The following FCHO2 variants were observed in gnomAD, a reference collection of about 807,000 sequenced individuals.
FCHO2 encodes the protein F-BAR domain only protein 2.
Under a neutral mutation model 114.1 loss-of-function variants are expected in FCHO2, and 43 were observed. That is an observed-to-expected ratio of 0.38 (90% CI 0.30 to 0.49). The LOEUF (loss-of-function observed/expected upper bound fraction) is 0.49. Ranked by LOEUF, FCHO2 falls within the 20% of genes least tolerant of loss-of-function variation. The pLI is 0.97. For missense variants in FCHO2, 807 were observed against 950.4 expected (o/e 0.85, Z 1.98); for synonymous variants, 293 against 315.2 (o/e 0.93, Z 0.75).
intron 20 of FCHO2, among the ~76,000 whole-genome samples, chr5:73,076,846 C>T (rs1392896519): frequency 6.6e-6 from 1 of 152,030 alleles, no homozygotes; most frequent in Non-Finnish European, 1.5e-5. Context: ...GATAGGATTA[C>T]CAAAGGGGTC....
intron 8 of FCHO2, among the ~76,000 whole-genome samples, chr5:73,026,337 G>T (rs1445356174): frequency 1.3e-5 from 2 of 152,028 alleles, no homozygotes; most frequent in African/African-American, 4.8e-5. Flanking sequence ...GGGTGTGGTG[G>T]TGGGCGCCTG....
At chr5:72,981,233 G>T (rs1753192715) in intron 2 of FCHO2, among the ~76,000 whole-genome samples, 1 of 152,216 alleles carries the variant, frequency 6.6e-6, no homozygotes, top group African/African-American at 2.4e-5. Context: ...GAAATTCTGG[G>T]TTGAAAAGTC....
In FCHO2 at chr5:72,959,183, A is replaced by G. The variant is rs114525969; in HGVS notation, c.33+3054A>G. On this transcript the variant is annotated intron_variant, in intron 1 of 25. Coordinates refer to ENST00000430046, the MANE Select transcript of FCHO2 (RefSeq NM_138782.3). ...AGTGAGCTAGGAAGGTCTAGGAATT[A>G]ACTAAATAATTAACTTCCGAGAATT... 1.9e-3 allele frequency among the ~76,000 whole-genome samples: 282 copies of G among 152,340 alleles called. 3 individuals are homozygous for G. The highest frequency in any genetic ancestry group is 6.4e-3 in the African/African-American group (265 of 41,564).
intron 6 of FCHO2, among the ~76,000 whole-genome samples, chr5:73,014,437 C>T (rs1053357940): frequency 5.3e-5 from 8 of 151,476 alleles, no homozygotes; most frequent in African/African-American, 1.5e-4. Context: ...TACAGGCACG[C>T]GCCACCACGC....
chr5:73,013,264 T>G (rs2112733684), intron 6 of FCHO2, among the ~76,000 whole-genome samples: 1 of 152,258 alleles, frequency 6.6e-6, no homozygotes, highest in Middle Eastern at 3.4e-3. Flanking sequence ...ATTCTGGATT[T>G]TTTTTTTTTT....
At chr5:73,060,265 AT>A (rs1365057265) in intron 17 of FCHO2, among the ~76,000 whole-genome samples, 3 of 152,090 alleles carry the variant, frequency 2.0e-5, no homozygotes, top group Non-Finnish European at 4.4e-5. Flanking sequence ...TTCAGTATGC[AT>A]TTTTAAATCT....
In FCHO2 at chr5:73,058,049, T is replaced by TA. The variant is rs1206483677; in HGVS notation, c.1254-383dup. On this transcript the variant is annotated intron_variant, in intron 16 of 25. Transcript: ENST00000430046. ...TTTTACGGACGGGGTCTTGCTCTGT[T>TA]ACCCAGGCTGGAGTACAGTGGTGCA... is the stretch of plus-strand genomic sequence containing the variant. Among the ~76,000 whole-genome samples, 11 of 152,200 alleles carry TA rather than the reference T, an allele frequency of 7.2e-5. No individual in the cohort carries two copies. The South Asian group carries it at 1.0e-3, about 14-fold the overall frequency.
At position 73,081,855 on chromosome 5, in the gene FCHO2, G is replaced by T. The variant is rs1362149368; in HGVS notation, c.2053G>T (p.Asp685Tyr). Residue 685 changes from aspartate (D) to tyrosine (Y), a missense_variant, in exon 23 of 26, where the codon GAT becomes TAT. Transcript: ENST00000430046. Reference protein sequence around the residue: ...TYWKCSASTTDLRVDYKYNPE... With the variant: ...TYWKCSASTTYLRVDYKYNPE... The stretch of plus-strand genomic sequence containing the variant: ...CTGGAAATGTAGTGCTAGCACCACA[G>T]ATCTTAGAGTGGATTATAAATACAA... 1.9e-6 allele frequency: 3 copies of T among 1,612,278 alleles called. No homozygotes were observed. In the East Asian group the frequency reaches 6.7e-5, roughly 36 times the overall value.
intron 24 of FCHO2, among the ~76,000 whole-genome samples, chr5:73,086,156 A>G (rs527526363): frequency 6.6e-6 from 1 of 152,232 alleles, no homozygotes; most frequent in African/African-American, 2.4e-5. Context: ...TCTGTAAAAT[A>G]GAAATCTGTT....
intron 7 of FCHO2, among the ~76,000 whole-genome samples, chr5:73,016,003 TTTC>T (rs1755288401): frequency 6.6e-6 from 1 of 152,202 alleles, no homozygotes; most frequent in African/African-American, 2.4e-5. Flanking sequence ...CTTTTGAATA[TTTC>T]TTTTTTCAAG....
intron 2 of FCHO2, among the ~76,000 whole-genome samples, chr5:72,981,848 A>G (rs1029723034): frequency 6.6e-6 from 1 of 152,200 alleles, no homozygotes; most frequent in Non-Finnish European, 1.5e-5. Context: ...CAATTCGTCT[A>G]ACCTTTTTTC....
intron 1 of FCHO2, among the ~76,000 whole-genome samples, chr5:72,967,083 C>T (rs772820605): frequency 2.0e-5 from 3 of 152,108 alleles, no homozygotes; most frequent in African/African-American, 4.8e-5. Context: ...GCCAGGAGTT[C>T]GAGACCTGCC....
At chr5:73,003,284 G>T (rs1335117266) in intron 5 of FCHO2, among the ~76,000 whole-genome samples, 1 of 151,986 alleles carries the variant, frequency 6.6e-6, no homozygotes, top group Non-Finnish European at 1.5e-5. Flanking sequence ...AAGAGCTGGG[G>T]TTACAGGCAT....
At chr5:73,055,999 C>G in intron 15 of FCHO2, 66 bp from the exon 16 acceptor site, 1 of 1,130,456 alleles carries the variant, frequency 8.8e-7, no homozygotes, top group Non-Finnish European at 1.3e-6. Flanking sequence ...TATAGAGTTT[C>G]TGTTTTTCAT....
At chr5:73,016,721 G>GATTTTAAATTGTTTAAATATTAAAAAAT in intron 7 of FCHO2, among the ~76,000 whole-genome samples, 1 of 150,332 alleles carries the variant, frequency 6.7e-6, no homozygotes, top group Admixed American at 6.6e-5. Context: ...TATTAAAAAA[G>GATTTTAAATTGTTTAAATATTAAAAAAT]ATTTTAAATT....
chr5:73,048,172 G>A (rs913915692), intron 11 of FCHO2, among the ~76,000 whole-genome samples: 7 of 151,720 alleles, frequency 4.6e-5, no homozygotes, highest in South Asian at 2.1e-4. Context: ...TATTTTTGCC[G>A]GGCACAGTGG....
At chr5:72,989,647 C>A in intron 3 of FCHO2, 146 bp downstream of exon 3, 1 of 573,320 alleles carries the variant, frequency 1.7e-6, no homozygotes. Flanking sequence ...ATATTCTTCA[C>A]TTGATAGAAA....
chr5:72,990,736 C>T lies in FCHO2; in HGVS notation c.367C>T (p.Leu123=). The T allele has an allele frequency of 6.4e-7, 1 of 1,556,694 alleles. No homozygotes were observed. Among genetic ancestry groups the T allele is most frequent in the Non-Finnish European group, 8.7e-7 (1 of 1,150,518 alleles). Residue 123 remains leucine (L), a synonymous_variant, in exon 5 of 26, where the codon CTG becomes TTG. Transcript: ENST00000430046. ...GACTAAAGAAGAAGTTGCAGGAACT[C>T]TGGAAGCTGTCCAAACCATTCAGAG... The part of the protein sequence containing the change: ...KKTKEEVAGT[L]EAVQTIQSIT...
intron 8 of FCHO2, among the ~76,000 whole-genome samples, chr5:73,024,470 C>T (rs765243527): frequency 6.6e-5 from 10 of 151,108 alleles, no homozygotes; most frequent in South Asian, 2.1e-4. Context: ...GTCGGAGTCT[C>T]GCTCCGTCGC....
Sources: allele counts gnomAD v4.1 joint callset (sites outside exome capture counted in the v4.1 genomes callset), GRCh38; gene constraint gnomAD v4.1.1; transcripts MANE v1.5; gene names NCBI Gene and HGNC (gene_info 2026-07-23, HGNC 2026-07-21).